Variants in LYPD6B observed in about 807,000 individuals in gnomAD.
LYPD6B encodes the protein LY6/PLAUR domain containing 6B, also known as ly6/PLAUR domain-containing protein 6B.
In LYPD6B, 17 loss-of-function variants were observed where a neutral mutation model predicts 22.8. That is an observed-to-expected ratio of 0.75 (90% CI 0.51 to 1.12). LYPD6B has a LOEUF of 1.12. Among genes scored for constraint, LYPD6B ranks in the 50% most tolerant of loss-of-function variants. LYPD6B has a pLI of 0.00. For missense variants in LYPD6B, 221 were observed against 258.3 expected (o/e 0.86, Z 0.99); for synonymous variants, 106 against 91.6 (o/e 1.16, Z -0.90).
At chr2:149,146,126 C>T (rs1286131757) in intron 2 of LYPD6B, among the ~76,000 whole-genome samples, 2 of 152,200 alleles carry the variant, frequency 1.3e-5, no homozygotes, top group Non-Finnish European at 2.9e-5. Context: ...AGAAATGGTC[C>T]TACCCTCGCA....
intron 1 of LYPD6B, among the ~76,000 whole-genome samples, chr2:149,080,628 G>A (rs1217680988): frequency 6.6e-6 from 1 of 151,928 alleles, no homozygotes; most frequent in South Asian, 2.1e-4. Context: ...GATCACCTGA[G>A]GTCAGGAGTT....
chr2:149,113,998 A>G (rs949265234), intron 1 of LYPD6B, among the ~76,000 whole-genome samples: 3 of 152,200 alleles, frequency 2.0e-5, no homozygotes, highest in African/African-American at 7.2e-5. Context: ...TGTGCCATTT[A>G]TCTTGACATT....
intron 1 of LYPD6B, among the ~76,000 whole-genome samples, chr2:149,120,391 T>A (rs1191861474): frequency 0.02 from 1,701 of 85,330 alleles, 60 homozygotes; most frequent in Non-Finnish European, 0.031. Flanking sequence ...ATATTTTTTT[T>A]TTTTTTTTTT....
intron 3 of LYPD6B, among the ~76,000 whole-genome samples, chr2:149,191,521 A>G (rs1575154183): frequency 6.6e-6 from 1 of 152,182 alleles, no homozygotes; most frequent in Non-Finnish European, 1.5e-5. Context: ...TGGACCGTCT[A>G]TTCTGTTTCA....
chr2:149,118,293 A>G (rs184502249), intron 1 of LYPD6B: 2 of 152,304 alleles, frequency 1.3e-5, no homozygotes, highest in East Asian at 3.9e-4. Context: ...TTTATTTGAG[A>G]TGTTTTCTTG....
chr2:149,077,123 G>A (rs889669357), intron 1 of LYPD6B, among the ~76,000 whole-genome samples: 2 of 152,228 alleles, frequency 1.3e-5, no homozygotes, highest in Admixed American at 1.3e-4. Context: ...GGCCATGGAC[G>A]ACTTGGTGAC....
At chr2:149,147,906 C>CTGTGTGTGTGTGTGTGTGTGTGTGTG (rs61441741) in intron 2 of LYPD6B, among the ~76,000 whole-genome samples, 6 of 139,108 alleles carry the variant, frequency 4.3e-5, no homozygotes, top group Admixed American at 1.4e-4. Flanking sequence ...GCACATGGGC[C>CTGTGTGTGTGTGTGTGTGTGTGTGTG]TGTGTGTGTG....
At chr2:149,145,660 A>T (rs982173015) in intron 2 of LYPD6B, among the ~76,000 whole-genome samples, 1 of 152,178 alleles carries the variant, frequency 6.6e-6, no homozygotes, top group Admixed American at 6.5e-5. Flanking sequence ...CTCCCTTTTA[A>T]CATCAGCAAA....
At chr2:149,150,721 A>T (rs934662767) in intron 2 of LYPD6B, among the ~76,000 whole-genome samples, 1 of 152,046 alleles carries the variant, frequency 6.6e-6, no homozygotes, top group Non-Finnish European at 1.5e-5. Context: ...CATGTACTTT[A>T]GTCGTAAAAA....
intron 1 of LYPD6B, among the ~76,000 whole-genome samples, chr2:149,102,698 C>T (rs757114731): frequency 1.1e-4 from 16 of 152,148 alleles, no homozygotes; most frequent in South Asian, 6.2e-4. Flanking sequence ...GGTACGATCT[C>T]AGCTCACTGC....
chr2:149,149,602 A>T (rs1408393546), intron 2 of LYPD6B, among the ~76,000 whole-genome samples: 1 of 152,362 alleles, frequency 6.6e-6, no homozygotes, highest in East Asian at 1.9e-4. Context: ...CGGCCAGGGA[A>T]GACTTCTGCA....
intron 3 of LYPD6B, among the ~76,000 whole-genome samples, chr2:149,194,035 T>A (rs544705658): frequency 6.6e-6 from 1 of 152,288 alleles, no homozygotes; most frequent in Admixed American, 6.5e-5. Context: ...TGTGCTTTAG[T>A]GATGGTAGAA....
At chr2:149,188,246 C>G (rs542474961) in intron 3 of LYPD6B, among the ~76,000 whole-genome samples, 1 of 152,180 alleles carries the variant, frequency 6.6e-6, no homozygotes, top group East Asian at 1.9e-4. Context: ...TTTAATATCC[C>G]CCCTGTGATG....
intron 2 of LYPD6B, among the ~76,000 whole-genome samples, chr2:149,133,148 T>C (rs1688136633): frequency 6.6e-6 from 1 of 152,172 alleles, no homozygotes; most frequent in Non-Finnish European, 1.5e-5. Context: ...AGAGCGATTC[T>C]AAACTGCAAA....
chr2:149,085,336 C>T (rs550975337), intron 1 of LYPD6B, among the ~76,000 whole-genome samples: 1 of 152,336 alleles, frequency 6.6e-6, no homozygotes, highest in East Asian at 1.9e-4. Flanking sequence ...TGTGCCAGGT[C>T]CATCTGCTAC....
chr2:149,147,629 G>A lies in LYPD6B; in HGVS notation c.6-13135G>A, dbSNP rs374652172. On this transcript the variant is annotated intron_variant, in intron 2 of 6. Transcript: ENST00000409642. ...TCCAGGTTCAAGTGATTCTCCCCCT[G>A]CAGCCTCTGGAGTAGCTGGGATTAC... 1.3e-4 allele frequency among the ~76,000 whole-genome samples: 20 copies of A among 152,114 alleles called. No individual in the cohort carries two copies. The East Asian group carries it at 3.5e-3, about 26-fold the overall frequency.
chr2:149,105,277 G>A (rs987371505), intron 1 of LYPD6B, among the ~76,000 whole-genome samples: 2 of 152,148 alleles, frequency 1.3e-5, no homozygotes, highest in African/African-American at 4.8e-5. Flanking sequence ...GGTTGATTTG[G>A]CTATTCTGGG....
chr2:149,141,425 C>A (rs75744662), intron 2 of LYPD6B, among the ~76,000 whole-genome samples: 2,492 of 152,122 alleles, frequency 0.016, 28 homozygotes, highest in Non-Finnish European at 0.023. Flanking sequence ...TCATTTTGTT[C>A]TGTTATTCTG....
rs528041314 is a variant in LYPD6B, at chr2:149,053,917, A to G, written c.-67+15116A>G. Among the ~76,000 whole-genome samples, 8 of 149,900 alleles carry G rather than the reference A, an allele frequency of 5.3e-5. No homozygotes were observed. In the South Asian group the frequency reaches 6.4e-4, roughly 12 times the overall value. On this transcript the variant is annotated intron_variant, in intron 1 of 6. Transcript: ENST00000409642. ...TGAGGTTCATAATGGTTTCAAGGTT[A>G]TAACATAAGCCAGTACTTCATTCTT... is the stretch of plus-strand genomic sequence containing the variant.
Sources: gnomAD v4.1 joint callset for allele counts (sites outside exome capture counted in the v4.1 genomes callset) on GRCh38, gnomAD v4.1.1 for gene constraint, MANE v1.5 for transcripts, NCBI Gene and HGNC (gene_info 2026-07-23, HGNC 2026-07-21) for gene names.